NKAIN2: variants seen among roughly 807,000 people sequenced by gnomAD.
NKAIN2 encodes sodium/potassium-transporting ATPase subunit beta-1-interacting protein 2.
Under a neutral mutation model 32.6 loss-of-function variants are expected in NKAIN2, and 14 were observed. The ratio of observed to expected loss-of-function variants is 0.43; its 90% CI spans 0.28 to 0.67. The LOEUF is 0.67. Among genes scored for constraint, NKAIN2 ranks in the 30% least tolerant of loss-of-function variants. NKAIN2 has a pLI of 0.17. For synonymous variants in NKAIN2, 80 were observed against 87.2 expected (o/e 0.92, Z 0.46); for missense variants, 198 against 258.3 (o/e 0.77, Z 1.60).
chr6:124,531,540 CAG>C (rs1779525485), intron 3 of NKAIN2, among the ~76,000 whole-genome samples: 1 of 152,156 alleles, frequency 6.6e-6, no homozygotes, highest in Non-Finnish European at 1.5e-5. Flanking sequence ...ACTTTGATAT[CAG>C]AGTAATGCTG....
At chr6:124,542,133 G>A (rs1410010783) in intron 3 of NKAIN2, among the ~76,000 whole-genome samples, 2 of 151,936 alleles carry the variant, frequency 1.3e-5, no homozygotes, top group Non-Finnish European at 2.9e-5. Flanking sequence ...AAGGTAAAAG[G>A]AAAATGGGAT....
At chr6:124,374,878 G>A (rs1486819875) in intron 3 of NKAIN2, among the ~76,000 whole-genome samples, 2 of 152,028 alleles carry the variant, frequency 1.3e-5, no homozygotes, top group Non-Finnish European at 2.9e-5. Flanking sequence ...TATATTAATA[G>A]TTCTGTAGGA....
At chr6:124,641,900 T>C (rs1427837724) in intron 3 of NKAIN2, among the ~76,000 whole-genome samples, 1 of 152,104 alleles carries the variant, frequency 6.6e-6, no homozygotes. Context: ...CCTTTACTTA[T>C]ATGTTTTTAG....
At chr6:124,480,480 G>C (rs1370330298) in intron 3 of NKAIN2, among the ~76,000 whole-genome samples, 1 of 152,082 alleles carries the variant, frequency 6.6e-6, no homozygotes, top group Non-Finnish European at 1.5e-5. Context: ...TGACCTTTCA[G>C]CTTGCACCTT....
intron 1 of NKAIN2, among the ~76,000 whole-genome samples, chr6:123,911,776 TAC>T (rs1775188583): frequency 8.5e-6 from 1 of 117,068 alleles, no homozygotes; most frequent in African/African-American, 3.6e-5. Flanking sequence ...TATATATACA[TAC>T]ATACATATAT....
intron 3 of NKAIN2, among the ~76,000 whole-genome samples, chr6:124,506,534 C>G (rs1442994802): frequency 1.3e-5 from 2 of 152,290 alleles, no homozygotes; most frequent in East Asian, 3.9e-4. Flanking sequence ...TACCTTCCTC[C>G]TCTCCCAGAC....
At chr6:124,101,475 C>T (rs984231319) in intron 1 of NKAIN2, among the ~76,000 whole-genome samples, 9 of 152,106 alleles carry the variant, frequency 5.9e-5, no homozygotes, top group African/African-American at 1.7e-4. Flanking sequence ...ATTTGCTGGG[C>T]ACAGAATGTC....
chr6:124,258,315 G>A (rs923108119), intron 1 of NKAIN2, among the ~76,000 whole-genome samples: 1 of 152,118 alleles, frequency 6.6e-6, no homozygotes, highest in African/African-American at 2.4e-5. Context: ...AGTGTGCCCT[G>A]TGACAGCAAG....
At chr6:124,718,706 C>G (rs1163078779) in intron 4 of NKAIN2, among the ~76,000 whole-genome samples, 1 of 152,172 alleles carries the variant, frequency 6.6e-6, no homozygotes, top group African/African-American at 2.4e-5. Context: ...CTTAACTTCT[C>G]TGAGCCTCGG....
At chr6:123,882,023 A>G (rs1011080987) in intron 1 of NKAIN2, among the ~76,000 whole-genome samples, 1 of 152,166 alleles carries the variant, frequency 6.6e-6, no homozygotes, top group African/African-American at 2.4e-5. Context: ...TTGAACTCAC[A>G]TAATGGATAA....
chr6:124,333,559 C>T (rs1403843677), intron 2 of NKAIN2, among the ~76,000 whole-genome samples: 2 of 152,010 alleles, frequency 1.3e-5, no homozygotes, highest in East Asian at 1.9e-4. Flanking sequence ...ACTCAGGAGG[C>T]TGAGGCAGAA....
intron 1 of NKAIN2, among the ~76,000 whole-genome samples, chr6:124,092,890 C>T (rs1413000007): frequency 6.6e-6 from 1 of 152,030 alleles, no homozygotes; most frequent in African/African-American, 2.4e-5. Context: ...CCTCTATTGT[C>T]TTCAGCACTT....
intron 3 of NKAIN2, among the ~76,000 whole-genome samples, chr6:124,467,156 A>G (rs1308502714): frequency 1.3e-5 from 2 of 152,086 alleles, no homozygotes; most frequent in Admixed American, 1.3e-4. Context: ...GAAAATTGCC[A>G]TGATCCCAGA....
chr6:123,922,273 A>C (rs527306449), intron 1 of NKAIN2, among the ~76,000 whole-genome samples: 19 of 152,304 alleles, frequency 1.2e-4, no homozygotes, highest in African/African-American at 4.6e-4. Flanking sequence ...TGTAGCCTCT[A>C]AGAAGGAAAT....
chr6:124,116,766 C>T (rs1001739598), intron 1 of NKAIN2, among the ~76,000 whole-genome samples: 4 of 151,936 alleles, frequency 2.6e-5, no homozygotes, highest in South Asian at 2.1e-4. Context: ...TACTGAATGC[C>T]GGCTACATGT....
chr6:123,958,564 G>T (rs892901488), intron 1 of NKAIN2, among the ~76,000 whole-genome samples: 2 of 152,214 alleles, frequency 1.3e-5, no homozygotes, highest in Non-Finnish European at 2.9e-5. Flanking sequence ...CATTCTTGAG[G>T]GGTCTGGCCT....
At chr6:124,626,070 T>G (rs1378042328) in intron 3 of NKAIN2, among the ~76,000 whole-genome samples, 1 of 148,476 alleles carries the variant, frequency 6.7e-6, no homozygotes, top group Non-Finnish European at 1.5e-5. Context: ...ATTAGGTATA[T>G]CTCCTAATGC....
intron 1 of NKAIN2, among the ~76,000 whole-genome samples, chr6:123,938,767 G>C (rs796427248): frequency 1.3e-5 from 2 of 151,118 alleles, no homozygotes; most frequent in Non-Finnish European, 2.9e-5. Flanking sequence ...ACTGGTAACT[G>C]TCTTAACCTA....
At chr6:123,934,006 T>A (rs1776387525) in intron 1 of NKAIN2, among the ~76,000 whole-genome samples, 1 of 142,106 alleles carries the variant, frequency 7.0e-6, no homozygotes, top group Admixed American at 7.6e-5. Flanking sequence ...CACTACTGTT[T>A]GTATGGATCC....
Sources: gnomAD v4.1 joint callset for allele counts (sites outside exome capture counted in the v4.1 genomes callset) on GRCh38, gnomAD v4.1.1 for gene constraint, MANE v1.5 for transcripts, NCBI Gene and HGNC (gene_info 2026-07-23, HGNC 2026-07-21) for gene names.